The following RANBP2 variants were observed in gnomAD, a reference collection of about 807,000 sequenced individuals.
RANBP2 encodes the protein RAN binding protein 2.
Under a neutral mutation model 303.6 loss-of-function variants are expected in RANBP2, and 57 were observed. The ratio of observed to expected loss-of-function variants is 0.19; its 90% CI spans 0.15 to 0.23. The LOEUF (loss-of-function observed/expected upper bound fraction) is 0.23. Ranked by LOEUF, RANBP2 falls within the 10% of genes least tolerant of loss-of-function variation. RANBP2 has a pLI of 1.00. For synonymous variants in RANBP2, 1,167 were observed against 1,301.5 expected (o/e 0.90, Z 2.23); for missense variants, 3,138 against 3,780.8 (o/e 0.83, Z 4.46).
At chr2:109,085,742 A>G in the RANBP2 span, among the ~76,000 whole-genome samples, 4 of 151,908 alleles carry the variant, frequency 2.6e-5, no homozygotes, top group Non-Finnish European at 5.9e-5. Flanking sequence ...CTGGGATTAC[A>G]GGCACCTGCC....
At chr2:109,252,034 C>T in the RANBP2 span, among the ~76,000 whole-genome samples, 5 of 152,028 alleles carry the variant, frequency 3.3e-5, no homozygotes, top group Admixed American at 2.6e-4. Context: ...ATCACTTGAG[C>T]TAAGGAGTTA....
the RANBP2 span, among the ~76,000 whole-genome samples, chr2:109,586,065 A>G: frequency 2.0e-5 from 3 of 152,240 alleles, no homozygotes; most frequent in Admixed American, 1.3e-4. Flanking sequence ...AGAGTCTAGC[A>G]CTATGTATAA....
chr2:109,701,476 G>C, the RANBP2 span, among the ~76,000 whole-genome samples: 1 of 152,172 alleles, frequency 6.6e-6, no homozygotes. Context: ...GAAGTGGGGG[G>C]CCTCCAGGTC....
the RANBP2 span, among the ~76,000 whole-genome samples, chr2:108,830,619 C>T: frequency 6.6e-6 from 1 of 151,142 alleles, no homozygotes; most frequent in African/African-American, 2.4e-5. Flanking sequence ...CCAACCTGGC[C>T]AATGTGGTGA....
chr2:108,754,668 A>G (rs1244390949), intron 15 of RANBP2, among the ~76,000 whole-genome samples: 1 of 152,042 alleles, frequency 6.6e-6, no homozygotes, highest in Non-Finnish European at 1.5e-5. Flanking sequence ...TAGATTGTAC[A>G]ACACTTTTCT....
the RANBP2 span, chr2:109,618,849 T>G: frequency 6.0e-6 from 1 of 167,046 alleles, no homozygotes; most frequent in African/African-American, 2.4e-5. Flanking sequence ...ATATATAACT[T>G]GAATATCTGG....
At chr2:109,555,399 T>G in the RANBP2 span, among the ~76,000 whole-genome samples, 1 of 152,204 alleles carries the variant, frequency 6.6e-6, no homozygotes, top group South Asian at 2.1e-4. Context: ...ACCCCCATGC[T>G]GTCCTGCTCA....
At chr2:109,272,965 C>G in the RANBP2 span, among the ~76,000 whole-genome samples, 1 of 152,150 alleles carries the variant, frequency 6.6e-6, no homozygotes, top group South Asian at 2.1e-4. Flanking sequence ...TATTTTTTCC[C>G]TATTAAGCTA....
chr2:108,753,609 A>T lies in RANBP2; in HGVS notation c.2055+46A>T, dbSNP rs10208578. On this transcript the variant is annotated intron_variant, in intron 14 of 28. Coordinates refer to ENST00000283195, the MANE Select transcript of RANBP2 (RefSeq NM_006267.5). The stretch of plus-strand genomic sequence containing the variant: ...AGCTAAAAGTTTTATTTATTTATTT[A>T]TTATTTTTTTAAAAGACGGGGTTTC... 8.6e-3 allele frequency: 13,727 copies of T among 1,594,154 alleles called. 583 individuals carry two copies. In the African/African-American group the frequency reaches 0.15, roughly 18 times the overall value.
downstream of RANBP2, chr2:108,788,913 C>T (rs370700304): frequency 2.9e-5 from 47 of 1,613,962 alleles, no homozygotes; most frequent in African/African-American, 6.1e-4. Flanking sequence ...CTGATGAAAG[C>T]AAGCATTGTA....
chr2:109,345,277 G>A, the RANBP2 span, among the ~76,000 whole-genome samples: 1 of 152,090 alleles, frequency 6.6e-6, no homozygotes, highest in Admixed American at 6.5e-5. Flanking sequence ...GTCTAGAGAA[G>A]GCTGATGGTG....
At chr2:109,277,336 A>G in the RANBP2 span, among the ~76,000 whole-genome samples, 1 of 152,130 alleles carries the variant, frequency 6.6e-6, no homozygotes, top group South Asian at 2.1e-4. Context: ...TTTTGAAATG[A>G]TTATTTTCTC....
chr2:108,950,125 A>G, the RANBP2 span, among the ~76,000 whole-genome samples: 1 of 152,192 alleles, frequency 6.6e-6, no homozygotes, highest in African/African-American at 2.4e-5. Context: ...ACACATAGGG[A>G]CATGTTCAGC....
At chr2:109,677,342 GC>G in the RANBP2 span, among the ~76,000 whole-genome samples, 8 of 152,136 alleles carry the variant, frequency 5.3e-5, no homozygotes, top group African/African-American at 1.7e-4. Context: ...AATCTTGGGG[GC>G]AGGGGGCTTG....
At chr2:108,780,909 A>G (rs1456473095) in intron 25 of RANBP2, among the ~76,000 whole-genome samples, 1 of 152,002 alleles carries the variant, frequency 6.6e-6, no homozygotes, top group African/African-American at 2.4e-5. Context: ...GGGTTTCTCC[A>G]TGTTGGTCAG....
At chr2:109,552,569 T>C in the RANBP2 span, 1 of 152,458 alleles carries the variant, frequency 6.6e-6, no homozygotes, top group African/African-American at 2.4e-5. Flanking sequence ...TTGGGAAGCA[T>C]CACAGTAAGA....
the RANBP2 span, among the ~76,000 whole-genome samples, chr2:108,951,922 T>C: frequency 5.9e-5 from 9 of 152,228 alleles, no homozygotes; most frequent in African/African-American, 1.7e-4. Context: ...GAGTAAGACA[T>C]AGACTTTCCC....
the RANBP2 span, among the ~76,000 whole-genome samples, chr2:109,109,103 A>G: frequency 1.3e-5 from 2 of 152,150 alleles, no homozygotes; most frequent in Non-Finnish European, 2.9e-5. Flanking sequence ...TGCACTAGAC[A>G]GGAGGGATTC....
intron 6 of RANBP2, among the ~76,000 whole-genome samples, chr2:108,737,461 C>G (rs1277902154): frequency 6.6e-6 from 1 of 151,030 alleles, no homozygotes; most frequent in African/African-American, 2.4e-5. Flanking sequence ...GCCTCAGCCT[C>G]CCGAGTAGCT....
Sources: allele counts gnomAD v4.1 joint callset (sites outside exome capture counted in the v4.1 genomes callset), GRCh38; gene constraint gnomAD v4.1.1; transcripts MANE v1.5; gene names NCBI Gene and HGNC (gene_info 2026-07-23, HGNC 2026-07-21).